The following COG5 variants were observed in gnomAD, a reference collection of about 807,000 sequenced individuals.
COG5 encodes the protein component of oligomeric golgi complex 5.
A neutral mutation model predicts 110.4 loss-of-function variants in COG5; 86 were observed. That is an observed-to-expected ratio of 0.78 (90% confidence interval 0.65 to 0.93). The LOEUF is 0.93. Among genes scored for constraint, COG5 ranks in the 40% least tolerant of loss-of-function variants. COG5 has a pLI of 0.00. For missense variants in COG5, 1,077 were observed against 987.0 expected (o/e 1.09, Z -1.22); for synonymous variants, 360 against 334.6 (o/e 1.08, Z -0.83).
At chr7:107,544,367 C>T (rs747389704) in intron 5 of COG5, among the ~76,000 whole-genome samples, 5 of 152,220 alleles carry the variant, frequency 3.3e-5, no homozygotes, top group Non-Finnish European at 5.9e-5. Flanking sequence ...AGGGACCAGG[C>T]TTCAGACCAG....
chr7:107,511,271 A>T (rs368023278), intron 6 of COG5, among the ~76,000 whole-genome samples: 5 of 152,236 alleles, frequency 3.3e-5, no homozygotes, highest in African/African-American at 1.2e-4. Flanking sequence ...AAACACCTCT[A>T]CGCAAATAAA....
intron 16 of COG5, among the ~76,000 whole-genome samples, chr7:107,249,690 TTGTGTGTGTG>T (rs57572752): frequency 0.038 from 4,979 of 131,704 alleles, 169 homozygotes; most frequent in African/African-American, 0.088. Flanking sequence ...ACGTACAGGA[TTGTGTGTGTG>T]TGTGTGTGTG....
At chr7:107,477,793 G>A (rs1016362830) in intron 6 of COG5, among the ~76,000 whole-genome samples, 8 of 151,868 alleles carry the variant, frequency 5.3e-5, no homozygotes, top group African/African-American at 1.2e-4. Context: ...ATGTGAGAAT[G>A]AGAAGCTTAG....
intron 14 of COG5, among the ~76,000 whole-genome samples, chr7:107,258,827 G>A (rs537774154): frequency 1.3e-5 from 2 of 152,146 alleles, no homozygotes; most frequent in Non-Finnish European, 1.5e-5. Context: ...GGAAAGGAGA[G>A]AAGAGAGAGA....
chr7:107,558,421 A>C (rs1391834638), intron 1 of COG5, among the ~76,000 whole-genome samples: 1 of 151,006 alleles, frequency 6.6e-6, no homozygotes, highest in Admixed American at 6.6e-5. Flanking sequence ...AACATGGTGA[A>C]ACCTCAAACC....
At chr7:107,390,201 A>C (rs1790516807) in intron 7 of COG5, among the ~76,000 whole-genome samples, 1 of 152,172 alleles carries the variant, frequency 6.6e-6, no homozygotes, top group Non-Finnish European at 1.5e-5. Context: ...CCAAAGATTC[A>C]GAGTTACGCT....
chr7:107,551,827 G>A (rs1802910454), intron 3 of COG5, among the ~76,000 whole-genome samples: 3 of 152,160 alleles, frequency 2.0e-5, no homozygotes, highest in Admixed American at 1.3e-4. Flanking sequence ...ATGTTGCCCA[G>A]GCTGGTCTTG....
chr7:107,533,504 A>G (rs1801358373), intron 5 of COG5, among the ~76,000 whole-genome samples: 1 of 151,660 alleles, frequency 6.6e-6, no homozygotes, highest in Non-Finnish European at 1.5e-5. Flanking sequence ...ACAGCAGGAG[A>G]ACTTCGTGAA....
At position 107,292,991 on chromosome 7, in the gene COG5, TA is replaced by T. The variant is rs1806300309; in HGVS notation, c.1313+5150del. Among the ~76,000 whole-genome samples, 5 of 152,160 alleles carry T rather than the reference TA, an allele frequency of 3.3e-5. 1 individual carries two copies. In the South Asian group the frequency reaches 1.0e-3, roughly 32 times the overall value. On this transcript the variant is annotated intron_variant, in intron 12 of 21. Coordinates refer to ENST00000297135, the MANE Select transcript of COG5 (RefSeq NM_006348.5). ...TTATCCCTGCAACTGGTTACAGAAA[TA>T]AAAAACTCTCCTCCTCTCCAGTTCT...
chr7:107,323,852 TA>T (rs993323908), intron 11 of COG5, among the ~76,000 whole-genome samples: 5 of 152,194 alleles, frequency 3.3e-5, no homozygotes, highest in African/African-American at 1.2e-4. Context: ...TGCTCTTACC[TA>T]AAGTATTTAG....
At chr7:107,236,769 C>G in intron 17 of COG5, 82 bp from the exon 18 acceptor site, 1 of 882,168 alleles carries the variant, frequency 1.1e-6, no homozygotes, top group South Asian at 1.3e-5. Flanking sequence ...CCCACCAATG[C>G]TGCTATTTCA....
intron 10 of COG5, among the ~76,000 whole-genome samples, chr7:107,349,970 G>C (rs1449736780): frequency 6.6e-6 from 1 of 152,202 alleles, no homozygotes; most frequent in African/African-American, 2.4e-5. Context: ...TGGGATTACA[G>C]GCATGAACCA....
chr7:107,414,318 G>A (rs763595159), intron 6 of COG5, among the ~76,000 whole-genome samples: 11 of 152,042 alleles, frequency 7.2e-5, no homozygotes, highest in East Asian at 1.9e-4. Context: ...ATATCTCTTG[G>A]ATCCCTTCAT....
intron 14 of COG5, among the ~76,000 whole-genome samples, chr7:107,271,412 A>G (rs144618792): frequency 2.5e-3 from 380 of 152,284 alleles, no homozygotes; most frequent in African/African-American, 8.8e-3. Context: ...CATCTAATAC[A>G]TGAATAGTAT....
chr7:107,280,716 G>GT (rs1805098530), intron 14 of COG5, among the ~76,000 whole-genome samples: 1 of 151,914 alleles, frequency 6.6e-6, no homozygotes, highest in South Asian at 2.1e-4. Flanking sequence ...ATAGAATTAA[G>GT]ATTATGATTC....
In COG5 at chr7:107,550,688, T is replaced by C. The variant is rs375881181; in HGVS notation, c.293-2356A>G. ...CCCATCACCTGTTTTATTTTCTCTA[T>C]AGAATTTACAAATAAAATTTTTCTT... is the stretch of plus-strand genomic sequence containing the variant. On this transcript the variant is annotated intron_variant, in intron 3 of 21. Coordinates refer to ENST00000297135, the MANE Select transcript of COG5 (RefSeq NM_006348.5). Among the ~76,000 whole-genome samples, 25 of 152,314 alleles carry C rather than the reference T, an allele frequency of 1.6e-4. No individual in the cohort carries two copies. The East Asian group carries it at 4.1e-3, about 25-fold the overall frequency.
At chr7:107,539,529 A>T (rs1054171503) in intron 5 of COG5, among the ~76,000 whole-genome samples, 1 of 152,230 alleles carries the variant, frequency 6.6e-6, no homozygotes, top group African/African-American at 2.4e-5. Context: ...AGATTAGTTG[A>T]GAGCTTGGCG....
chr7:107,256,909 T>C (rs917249415), intron 15 of COG5, 115 bp from the exon 16 acceptor site: 7 of 728,958 alleles, frequency 9.6e-6, no homozygotes, highest in South Asian at 4.6e-5. Context: ...AATATTATCA[T>C]TGCTTTACAG....
Position 107,399,858 on chromosome 7 carries a change from C to T in COG5, c.669+12644G>A, listed in dbSNP as rs78763966. Among the ~76,000 whole-genome samples the T allele has an allele frequency of 4.5e-3, 690 of 152,206 alleles. 8 individuals carry two copies. The highest frequency in any genetic ancestry group is 0.015 in the African/African-American group (631 of 41,534). ...ATTAAGAAAATGCACATAAAAAGTACGAGAACCTCCTACACACCCACTAAA... is the reference window on the plus strand; with the variant it reads ...ATTAAGAAAATGCACATAAAAAGTATGAGAACCTCCTACACACCCACTAAA... On this transcript the variant is annotated intron_variant, in intron 7 of 21. Transcript: ENST00000297135.
Sources: allele counts gnomAD v4.1 joint callset (sites outside exome capture counted in the v4.1 genomes callset), GRCh38; gene constraint gnomAD v4.1.1; transcripts MANE v1.5; gene names NCBI Gene and HGNC (gene_info 2026-07-23, HGNC 2026-07-21).